The following CIMIP4 variants were observed in gnomAD, a reference collection of about 807,000 sequenced individuals.
CIMIP4 encodes protein EAN57.
At chr22:36,994,334 T>G in the CIMIP4 span, among the ~76,000 whole-genome samples, 1 of 152,216 alleles carries the variant, frequency 6.6e-6, no homozygotes, top group Non-Finnish European at 1.5e-5. Flanking sequence ...ATTATCATTA[T>G]TTTGAGAGGG....
the CIMIP4 span, among the ~76,000 whole-genome samples, chr22:36,998,815 G>A: frequency 1.3e-5 from 2 of 152,028 alleles, no homozygotes; most frequent in African/African-American, 4.8e-5. Context: ...CCCAGGTGGC[G>A]CCACCTCCAG....
the CIMIP4 span, among the ~76,000 whole-genome samples, chr22:36,996,709 G>A: frequency 2.0e-5 from 3 of 152,270 alleles, no homozygotes; most frequent in African/African-American, 4.8e-5. Context: ...GAGAGTAAAG[G>A]GCCTAGAAAC....
the CIMIP4 span, among the ~76,000 whole-genome samples, chr22:36,999,027 G>A: frequency 6.6e-6 from 1 of 152,080 alleles, no homozygotes; most frequent in East Asian, 1.9e-4. Flanking sequence ...CCCAGCTAGT[G>A]AGTGGCTGAG....
chr22:36,993,805 A>G, the CIMIP4 span, among the ~76,000 whole-genome samples: 1 of 152,224 alleles, frequency 6.6e-6, no homozygotes, highest in Non-Finnish European at 1.5e-5. Context: ...AATAAACCCA[A>G]ATAGTCTATA....
chr22:36,992,070 C>G, the CIMIP4 span, among the ~76,000 whole-genome samples: 1 of 152,130 alleles, frequency 6.6e-6, no homozygotes, highest in African/African-American at 2.4e-5. Flanking sequence ...ATATTTAGGC[C>G]GGGGGCAGTG....
chr22:36,992,106 T>C, the CIMIP4 span, among the ~76,000 whole-genome samples: 262 of 152,330 alleles, frequency 1.7e-3, 1 homozygote, highest in African/African-American at 5.9e-3. Flanking sequence ...CCCAGCACTT[T>C]GGGAGGCCAA....
the CIMIP4 span, chr22:37,001,789 T>G: frequency 6.9e-7 from 1 of 1,458,662 alleles, no homozygotes; most frequent in Non-Finnish European, 9.1e-7. Context: ...TTATCTTATG[T>G]CCTCATTATA....
the CIMIP4 span, chr22:37,001,834 C>T: frequency 6.4e-7 from 1 of 1,568,942 alleles, no homozygotes; most frequent in Non-Finnish European, 8.7e-7. Context: ...CCTGCTATGA[C>T]ACCTGCTCCT....
the CIMIP4 span, among the ~76,000 whole-genome samples, chr22:37,006,040 C>T: frequency 6.6e-6 from 1 of 152,116 alleles, no homozygotes; most frequent in South Asian, 2.1e-4. Flanking sequence ...TAAAGAGATG[C>T]CTGATATATC....
At chr22:37,005,010 C>T in the CIMIP4 span, among the ~76,000 whole-genome samples, 65,394 of 151,812 alleles carry the variant, frequency 0.43, 14,204 homozygotes, top group East Asian at 0.53. Context: ...TTTGTTTGCT[C>T]TCTTTCCCTG....
the CIMIP4 span, among the ~76,000 whole-genome samples, chr22:36,994,171 T>C: frequency 6.6e-6 from 1 of 152,180 alleles, no homozygotes; most frequent in Non-Finnish European, 1.5e-5. Flanking sequence ...GCTGCTATTA[T>C]AGAGGGAGAT....
At chr22:36,997,330 CT>C in the CIMIP4 span, among the ~76,000 whole-genome samples, 2 of 152,388 alleles carry the variant, frequency 1.3e-5, no homozygotes, top group East Asian at 1.9e-4. Context: ...CCTGCTCCCC[CT>C]GGCAGCTTCT....
At chr22:37,003,469 A>G in the CIMIP4 span, among the ~76,000 whole-genome samples, 1 of 152,274 alleles carries the variant, frequency 6.6e-6, no homozygotes, top group Middle Eastern at 3.4e-3. Flanking sequence ...TCTTGTCCTC[A>G]GGGCAGAGTG....
At chr22:36,999,933 A>G in the CIMIP4 span, 2 of 1,614,018 alleles carry the variant, frequency 1.2e-6, no homozygotes, top group South Asian at 1.1e-5. Flanking sequence ...CTGCTGGGCC[A>G]TGAGCTTGCC....
At chr22:36,991,221 C>T in the CIMIP4 span, 1 of 1,614,206 alleles carries the variant, frequency 6.2e-7, no homozygotes, top group Admixed American at 1.7e-5. Context: ...CTCCATATTT[C>T]TCTTCCAGTG....
the CIMIP4 span, chr22:37,001,741 G>A: frequency 8.0e-7 from 1 of 1,247,918 alleles, no homozygotes; most frequent in East Asian, 2.6e-5. Context: ...CTGCTTTCTA[G>A]TGGTATTATT....
At chr22:36,991,245 C>T in the CIMIP4 span, 2 of 1,614,016 alleles carry the variant, frequency 1.2e-6, no homozygotes, top group East Asian at 2.2e-5. Context: ...TCTGCAAGTT[C>T]AGGTTCATAG....
At chr22:37,002,613 A>C in the CIMIP4 span, among the ~76,000 whole-genome samples, 1 of 152,214 alleles carries the variant, frequency 6.6e-6, no homozygotes, top group African/African-American at 2.4e-5. Flanking sequence ...CTTGAGGCCT[A>C]GCTGTGTGAC....
At chr22:36,999,015 T>C in the CIMIP4 span, among the ~76,000 whole-genome samples, 2 of 151,998 alleles carry the variant, frequency 1.3e-5, no homozygotes, top group Non-Finnish European at 2.9e-5. Context: ...CCTAAGGTCA[T>C]ACCCAGCTAG....
Sources: allele counts gnomAD v4.1 joint callset (sites outside exome capture counted in the v4.1 genomes callset), GRCh38; gene constraint gnomAD v4.1.1; transcripts MANE v1.5; gene names NCBI Gene and HGNC (gene_info 2026-07-23, HGNC 2026-07-21).